ERO1B: variants seen among roughly 807,000 people sequenced by gnomAD.
The protein encoded by ERO1B is endoplasmic reticulum oxidoreductase 1 beta.
ERO1B carries 49 observed loss-of-function variants against 75.3 expected under a neutral mutation model. The observed-to-expected ratio is 0.65, with a 90% CI of 0.52 to 0.83. The LOEUF is 0.83. Among genes scored for constraint, ERO1B ranks in the 40% least tolerant of loss-of-function variants. The probability of loss-of-function intolerance (pLI) is 0.00; values close to 1 mark genes in which losing one functional copy is unlikely to be tolerated. For synonymous variants in ERO1B, 191 were observed against 192.9 expected (o/e 0.99, Z 0.08); for missense variants, 512 against 560.1 (o/e 0.91, Z 0.87).
At chr1:236,253,590 T>A in intron 2 of ERO1B, 85 bp from the exon 3 acceptor site, 1 of 827,828 alleles carries the variant, frequency 1.2e-6, no homozygotes, top group Non-Finnish European at 2.0e-6. Context: ...ACCAGTGACA[T>A]GGTGGTGAAT....
chr1:236,221,336 A>AATT (rs1664136219), intron 14 of ERO1B, among the ~76,000 whole-genome samples: 1 of 150,152 alleles, frequency 6.7e-6, no homozygotes, highest in Non-Finnish European at 1.5e-5. Flanking sequence ...CACACTTAAT[A>AATT]ATTTCTCAAT....
intron 8 of ERO1B, among the ~76,000 whole-genome samples, chr1:236,235,277 C>T (rs1664512330): frequency 6.6e-6 from 1 of 152,134 alleles, no homozygotes; most frequent in African/African-American, 2.4e-5. Context: ...GGACCTCTCC[C>T]AAGAAATACA....
Position 236,245,327 on chromosome 1 carries a change from C to T in ERO1B, c.432-1832G>A, listed in dbSNP as rs1369181079. On this transcript the variant is annotated intron_variant, in intron 5 of 15. Transcript: ENST00000354619. ...ATATATATATATATATATATACACA[C>T]ACGTATATATATACGTATATATATA... 5.5e-4 allele frequency among the ~76,000 whole-genome samples: 15 copies of T among 27,184 alleles called. 2 individuals are homozygous for T. Among genetic ancestry groups the T allele is most frequent in the East Asian group, 0.012 (2 of 162 alleles). The allele number at this position is 27,184 out of a possible 152,430, so 17.8% of individuals were successfully genotyped here. A position where few individuals can be genotyped will look rare whatever the true frequency, so the allele number is the denominator to read the frequency against.
intron 3 of ERO1B, among the ~76,000 whole-genome samples, chr1:236,252,505 T>A (rs11805082): frequency 8.5e-5 from 13 of 152,332 alleles, no homozygotes; most frequent in African/African-American, 3.1e-4. Flanking sequence ...TAACAAAGTG[T>A]AGGCAATTTT....
At chr1:236,265,477 T>C (rs1016971358) in intron 2 of ERO1B, among the ~76,000 whole-genome samples, 3 of 152,202 alleles carry the variant, frequency 2.0e-5, no homozygotes, top group African/African-American at 4.8e-5. Flanking sequence ...TCAGAAAAGC[T>C]TGCTGGTGTT....
intron 1 of ERO1B, among the ~76,000 whole-genome samples, chr1:236,275,230 G>A (rs1665685027): frequency 6.6e-6 from 1 of 152,174 alleles, no homozygotes; most frequent in Admixed American, 6.5e-5. Flanking sequence ...TACAAATTAA[G>A]GGCTGAGTCC....
chr1:236,226,154 T>G, intron 12 of ERO1B, 115 bp downstream of exon 12: 1 of 1,011,780 alleles, frequency 9.9e-7, no homozygotes, highest in Non-Finnish European at 1.5e-6. Context: ...ACTTTCCTTT[T>G]CTGTTCTACA....
rs999676345 is a variant in ERO1B, at chr1:236,216,308, A to G, written c.*2208T>C. 5 of 152,176 alleles carry G rather than the reference A, an allele frequency of 3.3e-5. No homozygotes were observed. Among genetic ancestry groups the G allele is most frequent in the Non-Finnish European group, 7.4e-5 (5 of 68,004 alleles). The allele number at this position is 152,176 out of a possible 1,614,324, so 9.4% of individuals were successfully genotyped here. ...TTTACAATGCAAACAGTACTCTAGT[A>G]TAATATCACTTCACGACAAAAGATG... is the stretch of plus-strand genomic sequence containing the variant. On this transcript the variant is annotated 3_prime_UTR_variant, in exon 16 of 16. Coordinates refer to ENST00000354619, the MANE Select transcript of ERO1B (RefSeq NM_019891.4).
intron 8 of ERO1B, among the ~76,000 whole-genome samples, chr1:236,233,287 CA>C (rs1386639252): frequency 3.0e-5 from 4 of 131,448 alleles, no homozygotes; most frequent in Admixed American, 8.0e-5. Context: ...CCAGCCTGGG[CA>C]ACAAGAGCAA....
rs1664009864 is a variant in ERO1B at position 236,217,160 on chromosome 1, T to C, written c.*1356A>G. The stretch of plus-strand genomic sequence containing the variant: ...TTTCAGACTTTGACAGGATAAAATA[T>C]GGATTTAAGAGCACTTATTCTTTAA... On this transcript the variant is annotated 3_prime_UTR_variant, in exon 16 of 16. Coordinates refer to ENST00000354619, the MANE Select transcript of ERO1B (RefSeq NM_019891.4). 1 of 152,204 alleles carries C rather than the reference T, an allele frequency of 6.6e-6. No homozygotes were observed. Among genetic ancestry groups the C allele is most frequent in the South Asian group, 2.1e-4 (1 of 4,822 alleles). 9.4% of individuals were successfully genotyped at this position (152,204 alleles called of 1,614,324 possible). A position where few individuals can be genotyped will look rare whatever the true frequency, so the allele number is the denominator to read the frequency against.
chr1:236,239,913 T>TA lies in ERO1B; in HGVS notation c.505+3508_505+3509insT, dbSNP rs1558511005. On this transcript the variant is annotated intron_variant, in intron 6 of 15. Coordinates refer to ENST00000354619, the MANE Select transcript of ERO1B (RefSeq NM_019891.4). ...TGTGTATATATATATATATATATAT[T>TA]TTTTTTTTTTGCGATGAGGCTGACT... Among the ~76,000 whole-genome samples the TA allele has an allele frequency of 1.5e-3, 189 of 129,488 alleles. 6 individuals carry two copies. Among genetic ancestry groups the TA allele is most frequent in the African/African-American group, 5.3e-3 (182 of 34,378 alleles). 84.9% of individuals were successfully genotyped at this position (129,488 alleles called of 152,430 possible).
chr1:236,226,156 T>A, intron 12 of ERO1B, 113 bp downstream of exon 12: 1 of 1,026,070 alleles, frequency 9.7e-7, no homozygotes, highest in South Asian at 1.6e-5. Flanking sequence ...TTTCCTTTTC[T>A]GTTCTACATC....
intron 2 of ERO1B, among the ~76,000 whole-genome samples, chr1:236,267,186 C>T (rs1665463514): frequency 6.6e-6 from 1 of 152,102 alleles, no homozygotes; most frequent in Non-Finnish European, 1.5e-5. Flanking sequence ...GATACAAAAT[C>T]CCAGTGGTTC....
At chr1:236,251,474 GGA>G (rs1665027698) in intron 4 of ERO1B, 3 of 980,170 alleles carry the variant, frequency 3.1e-6, no homozygotes, top group South Asian at 4.7e-5. Flanking sequence ...AGATTACACG[GGA>G]GAGAGAGCAA....
intron 1 of ERO1B, among the ~76,000 whole-genome samples, chr1:236,270,957 G>T (rs1372724127): frequency 2.0e-5 from 3 of 152,132 alleles, no homozygotes; most frequent in Non-Finnish European, 4.4e-5. Flanking sequence ...TCAGTATTTT[G>T]ACTGTGATGG....
intron 10 of ERO1B, 100 bp downstream of exon 10, chr1:236,230,124 T>G: frequency 1.1e-6 from 1 of 880,896 alleles, no homozygotes; most frequent in Non-Finnish European, 1.8e-6. Flanking sequence ...CTGTCAAAAT[T>G]AGTTGACTAG....
intron 9 of ERO1B, among the ~76,000 whole-genome samples, chr1:236,232,111 C>T (rs1386242327): frequency 3.9e-5 from 6 of 152,310 alleles, no homozygotes; most frequent in Non-Finnish European, 5.9e-5. Context: ...TTTCCCACAT[C>T]GCTCCTGTGA....
chr1:236,259,427 A>C (rs1665239442), intron 2 of ERO1B, among the ~76,000 whole-genome samples: 1 of 152,212 alleles, frequency 6.6e-6, no homozygotes, highest in Non-Finnish European at 1.5e-5. Flanking sequence ...AAATTATCCA[A>C]TCAAAAGTGG....
chr1:236,234,482 CA>C (rs1263133332), intron 8 of ERO1B, among the ~76,000 whole-genome samples: 1 of 152,168 alleles, frequency 6.6e-6, no homozygotes, highest in Non-Finnish European at 1.5e-5. Flanking sequence ...TATATTGCTT[CA>C]ATTTTTATAA....
Sources: gnomAD v4.1 joint callset for allele counts (sites outside exome capture counted in the v4.1 genomes callset) on GRCh38, gnomAD v4.1.1 for gene constraint, MANE v1.5 for transcripts, NCBI Gene and HGNC (gene_info 2026-07-23, HGNC 2026-07-21) for gene names.